ZNF532: variants seen among roughly 807,000 people sequenced by gnomAD.
ZNF532 encodes the protein zinc finger protein 532.
Under a neutral mutation model 89.3 loss-of-function variants are expected in ZNF532, and 22 were observed. That is an observed-to-expected ratio of 0.25 (90% CI 0.18 to 0.35). ZNF532 has a LOEUF of 0.35. ZNF532 is among the 10% of genes least tolerant of loss of function. The pLI, the probability that ZNF532 is intolerant of heterozygous loss-of-function variation, is 1.00. For synonymous variants in ZNF532, 606 were observed against 649.6 expected (o/e 0.93, Z 1.02); for missense variants, 1,132 against 1,643.4 (o/e 0.69, Z 5.38).
Position 58,919,304 on chromosome 18 carries a change from A to G in ZNF532, c.1017A>G (p.Ser339=). The change falls in exon 3 of 10, where the codon TCA becomes TCG. Residue 339 remains serine, a synonymous_variant. Coordinates refer to ENST00000591808, the MANE Select transcript of ZNF532 (RefSeq NM_001375912.1). The surrounding 1 kb of genome is among the most constrained non-coding windows in gnomAD (Gnocchi z 6.1). ...LKQPDSPRSI[S]SENSSKGSPS... Reference sequence around the variant, plus strand: ...AACCGGATAGTCCCAGAAGCATCTCAAGTGAGAACAGCAGCAAAGGATCCC... The same window carrying G: ...AACCGGATAGTCCCAGAAGCATCTCGAGTGAGAACAGCAGCAAAGGATCCC... 6.2e-7 allele frequency: 1 copy of G among 1,613,212 alleles called. No homozygotes were observed. Among genetic ancestry groups the G allele is most frequent in the Non-Finnish European group, 8.5e-7 (1 of 1,179,218 alleles).
intron 2 of ZNF532, among the ~76,000 whole-genome samples, chr18:58,866,841 C>T (rs1008347123): frequency 6.6e-6 from 1 of 152,222 alleles, no homozygotes; most frequent in African/African-American, 2.4e-5. Flanking sequence ...GCTCAGGATA[C>T]TTTATGGAGT....
chr18:58,885,088 A>C (rs2058201590), intron 2 of ZNF532, among the ~76,000 whole-genome samples: 1 of 151,346 alleles, frequency 6.6e-6, no homozygotes, highest in African/African-American at 2.4e-5. Flanking sequence ...TCCTGGGTTC[A>C]AGCGATTCTC....
chr18:58,905,885 C>T (rs557543812), intron 2 of ZNF532, among the ~76,000 whole-genome samples: 3 of 152,226 alleles, frequency 2.0e-5, no homozygotes, highest in African/African-American at 7.2e-5. Flanking sequence ...CCCTTGTTTT[C>T]GATGACCTTG....
At chr18:58,967,172 G>C (rs945484912) in intron 7 of ZNF532, among the ~76,000 whole-genome samples, 2 of 152,214 alleles carry the variant, frequency 1.3e-5, no homozygotes, top group African/African-American at 4.8e-5. Context: ...AGGTAGAATA[G>C]CTGGTGGTCC....
intron 7 of ZNF532, among the ~76,000 whole-genome samples, chr18:58,968,582 T>C (rs981097105): frequency 7.2e-5 from 11 of 152,316 alleles, no homozygotes; most frequent in African/African-American, 2.6e-4. Flanking sequence ...AAGTCCCTTC[T>C]TGTGACCCAC....
At chr18:58,888,780 T>G (rs2058569615) in intron 2 of ZNF532, among the ~76,000 whole-genome samples, 1 of 53,706 alleles carries the variant, frequency 1.9e-5, no homozygotes, top group Admixed American at 3.5e-4. Context: ...AATTTATATA[T>G]ATATAAAATA....
intron 7 of ZNF532, among the ~76,000 whole-genome samples, chr18:58,978,101 T>C (rs966170099): frequency 1.3e-5 from 2 of 152,234 alleles, no homozygotes; most frequent in African/African-American, 4.8e-5. Context: ...GGAAATATAT[T>C]CAGTTAACAT....
At chr18:58,945,831 G>A (rs2063602281) in intron 5 of ZNF532, among the ~76,000 whole-genome samples, 1 of 151,834 alleles carries the variant, frequency 6.6e-6, no homozygotes, top group Non-Finnish European at 1.5e-5. Context: ...GGGTTCAAGC[G>A]ATTCCCCTGC....
At chr18:58,886,369 A>G (rs908074994) in intron 2 of ZNF532, among the ~76,000 whole-genome samples, 2 of 152,018 alleles carry the variant, frequency 1.3e-5, no homozygotes, top group African/African-American at 4.8e-5. Flanking sequence ...AAGGTAGTGT[A>G]TGTATTGTTT....
At chr18:58,887,156 C>T (rs1314396291) in intron 2 of ZNF532, among the ~76,000 whole-genome samples, 9 of 152,322 alleles carry the variant, frequency 5.9e-5, no homozygotes, top group South Asian at 2.1e-4. Flanking sequence ...TGGCTTATTC[C>T]GCAACACAGT....
chr18:58,929,268 A>C (rs574117562), intron 3 of ZNF532, among the ~76,000 whole-genome samples: 45 of 152,234 alleles, frequency 3.0e-4, no homozygotes, highest in African/African-American at 1.1e-3. Context: ...AGTGTGGATA[A>C]AGGTGACATT....
intron 2 of ZNF532, among the ~76,000 whole-genome samples, chr18:58,867,580 A>T (rs1388774613): frequency 6.6e-6 from 1 of 151,912 alleles, no homozygotes. Context: ...TTCCTGGGAG[A>T]GCCAGGGGGG....
chr18:58,919,075 C>T lies in ZNF532; in HGVS notation c.788C>T (p.Ser263Leu), dbSNP rs376845672. 15 of 1,614,026 alleles carry T rather than the reference C, an allele frequency of 9.3e-6. No individual in the cohort carries two copies. The highest frequency in any genetic ancestry group is 2.7e-5 in the African/African-American group (2 of 74,932). Residue 263 changes from serine (S) to leucine (L), a missense_variant, in exon 3 of 10, where the codon TCG (serine) becomes TTG (leucine). Physicochemically the swap from Ser to Leu is moderately radical, Grantham distance 145. Around this residue, in one of 9 missense-constraint regions of ZNF532, gnomAD observed 302 missense variants for 319.8 expected, o/e 0.94. Coordinates refer to ENST00000591808, the MANE Select transcript of ZNF532 (RefSeq NM_001375912.1). This position sits in a 1 kb window ranked among gnomAD's most constrained non-coding sequence, Gnocchi z 6.1. Reference sequence around the variant, plus strand: ...AGCGTTGCGCCATCAAAGACAAAGTCGTCCTCCAAGCTCTCGTCCTGCATC... The same window carrying T: ...AGCGTTGCGCCATCAAAGACAAAGTTGTCCTCCAAGCTCTCGTCCTGCATC... ...LPSVAPSKTKSSSKLSSCIAA... is the reference protein window; with the variant it reads ...LPSVAPSKTKLSSKLSSCIAA...
Position 58,919,989 on chromosome 18 carries a change from T to A in ZNF532, c.1702T>A (p.Ser568Thr), listed in dbSNP as rs1376520303. The A allele has an allele frequency of 2.5e-6, 4 of 1,613,562 alleles. No homozygotes were observed. The African/African-American group carries it at 5.3e-5, about 22-fold the overall frequency. ...AAASQPPKKV[S>T]RVQVVSSLQS... ...AGCCTCGCAACCCCCCAAAAAGGTG[T>A]CTCGAGTCCAGGTGGTGTCGTCCTT... The change falls in exon 3 of 10, where the codon TCT becomes ACT. Residue 568 changes from serine (S) to threonine (T), a missense_variant. Physicochemically the swap from Ser to Thr is moderately conservative, Grantham distance 58 (BLOSUM62 1). This residue lies in a region of ZNF532 where 97 missense variants were observed against 143.7 expected (regional missense o/e 0.68). Coordinates refer to ENST00000591808, the MANE Select transcript of ZNF532 (RefSeq NM_001375912.1). The surrounding 1 kb of genome is among the most constrained non-coding windows in gnomAD (Gnocchi z 6.1).
intron 6 of ZNF532, among the ~76,000 whole-genome samples, chr18:58,948,598 C>A (rs1239498050): frequency 1.4e-5 from 2 of 144,684 alleles, no homozygotes; most frequent in African/African-American, 2.6e-5. Context: ...GACAGAGTCT[C>A]CCTCTGTCTC....
At chr18:58,921,908 C>T (rs1038224738) in intron 3 of ZNF532, among the ~76,000 whole-genome samples, 2 of 152,116 alleles carry the variant, frequency 1.3e-5, no homozygotes, top group South Asian at 2.1e-4. Flanking sequence ...GAGTTCGAGA[C>T]CAGCCTGGGC....
chr18:58,881,725 A>T (rs939688982), intron 2 of ZNF532, among the ~76,000 whole-genome samples: 6 of 152,206 alleles, frequency 3.9e-5, no homozygotes, highest in African/African-American at 1.4e-4. Context: ...TTGACGTTCA[A>T]AGCCACTGCT....
At chr18:58,969,454 C>T (rs928305770) in intron 7 of ZNF532, among the ~76,000 whole-genome samples, 5 of 152,220 alleles carry the variant, frequency 3.3e-5, no homozygotes, top group African/African-American at 7.2e-5. Flanking sequence ...GCGTCTTCAT[C>T]GCTGCCCGGC....
At chr18:58,946,187 C>T (rs1056582708) in intron 5 of ZNF532, among the ~76,000 whole-genome samples, 1 of 152,066 alleles carries the variant, frequency 6.6e-6, no homozygotes, top group Non-Finnish European at 1.5e-5. Context: ...AAAATGTGAT[C>T]ATACCATACA....
Sources: allele counts gnomAD v4.1 joint callset (sites outside exome capture counted in the v4.1 genomes callset), GRCh38; gene constraint gnomAD v4.1.1; regional missense constraint gnomAD v4.1.1; non-coding constraint Gnocchi (gnomAD v3.1); transcripts MANE v1.5; gene names NCBI Gene and HGNC (gene_info 2026-07-23, HGNC 2026-07-21).